RBAK: variants seen among roughly 807,000 people sequenced by gnomAD.
RBAK encodes RB associated KRAB zinc finger, also known as RB-associated KRAB zinc finger protein.
RBAK carries 39 observed loss-of-function variants against 65.8 expected under a neutral mutation model. The observed-to-expected ratio is 0.59, with a 90% CI of 0.46 to 0.77. RBAK has a LOEUF of 0.77. Among genes scored for constraint, RBAK ranks in the 30% least tolerant of loss-of-function variants. RBAK has a pLI of 0.00. For missense variants in RBAK, 884 were observed against 855.1 expected, an observed-to-expected ratio of 1.03 and a Z score of -0.42; for synonymous variants, 343 against 289.7, an observed-to-expected ratio of 1.18 and a Z score of -1.87.
Position 5,065,640 on chromosome 7 carries a change from T to C in RBAK, c.*39T>C. 1 of 1,392,752 alleles carries C rather than the reference T, an allele frequency of 7.2e-7. No individual in the cohort carries two copies. Among genetic ancestry groups the C allele is most frequent in the Non-Finnish European group, 9.6e-7 (1 of 1,036,406 alleles). The allele number at this position is 1,392,752 out of a possible 1,614,324, so 86.3% of individuals were successfully genotyped here. A position where few individuals can be genotyped will look rare whatever the true frequency, so the allele number is the denominator to read the frequency against. ...TTTTTAGAAAACTCTCTGAATATAATGAATATGGGGAATCCAATAGGAAGT... is the reference window on the plus strand; with the variant it reads ...TTTTTAGAAAACTCTCTGAATATAACGAATATGGGGAATCCAATAGGAAGT... On this transcript the variant is annotated 3_prime_UTR_variant, in exon 5 of 5. Transcript: ENST00000396912. This position sits in a 1 kb window ranked among gnomAD's most constrained non-coding sequence, Gnocchi z 5.3.
In RBAK at chr7:5,068,770, T is replaced by C. The variant is rs1482020937; in HGVS notation, c.*3169T>C. ...AGCCTAAAACTGCACAAAACAGAAC[T>C]ATCTTAAGGCACATGTGCAATGGAA... is the stretch of plus-strand genomic sequence containing the variant. On this transcript the variant is annotated 3_prime_UTR_variant, in exon 5 of 5. Transcript: ENST00000396912. The C allele has an allele frequency of 6.6e-6, 1 of 152,204 alleles. No homozygotes were observed. Among genetic ancestry groups the C allele is most frequent in the Non-Finnish European group, 1.5e-5 (1 of 68,048 alleles). 9.4% of individuals were successfully genotyped at this position (152,204 alleles called of 1,614,324 possible). A position where few individuals can be genotyped will look rare whatever the true frequency, so the allele number is the denominator to read the frequency against.
Position 5,068,202 on chromosome 7 carries a change from G to C in RBAK, c.*2601G>C, listed in dbSNP as rs1337046997. The C allele has an allele frequency of 6.6e-6, 1 of 152,102 alleles. No individual in the cohort carries two copies. Among genetic ancestry groups the C allele is most frequent in the African/African-American group, 2.4e-5 (1 of 41,420 alleles). 9.4% of individuals were successfully genotyped at this position (152,102 alleles called of 1,614,324 possible). ...CCAGATGGTGAAAATTTTCAGCTTT[G>C]TCACAACTGCTCATCTTTGCTATTG... On this transcript the variant is annotated 3_prime_UTR_variant, in exon 5 of 5. Transcript: ENST00000396912.
intron 4 of RBAK, among the ~76,000 whole-genome samples, chr7:5,060,590 C>T (rs551325581): frequency 6.6e-6 from 1 of 152,190 alleles, no homozygotes; most frequent in East Asian, 1.9e-4. Context: ...TTCAAGTTTC[C>T]CCCAAAGTAT....
intron 4 of RBAK, 52 bp from the exon 5 acceptor site, chr7:5,063,643 A>G: frequency 2.1e-6 from 3 of 1,399,988 alleles, no homozygotes; most frequent in Non-Finnish European, 2.9e-6. Context: ...GTACCTTTCC[A>G]TAGCTAGTGT....
At position 5,046,222 on chromosome 7, in the gene RBAK, C is replaced by T. The variant is rs756431386; in HGVS notation, c.-219C>T. 1.4e-5 allele frequency: 7 copies of T among 502,524 alleles called. No homozygotes were observed. The highest frequency in any genetic ancestry group is 4.1e-5 in the Admixed American group (2 of 49,002). 31.1% of individuals were successfully genotyped at this position (502,524 alleles called of 1,614,324 possible). A position where few individuals can be genotyped will look rare whatever the true frequency, so the allele number is the denominator to read the frequency against. On this transcript the variant is annotated 5_prime_UTR_variant, in exon 1 of 5. Transcript: ENST00000396912. ...GCCCGAGGGAGGCGGATCTGGGTCC[C>T]GGGAAGGACACCCGCCTGGATTTGC...
chr7:5,047,391 CCT>C (rs1788012724), intron 1 of RBAK, among the ~76,000 whole-genome samples: 1 of 151,952 alleles, frequency 6.6e-6, no homozygotes, highest in Non-Finnish European at 1.5e-5. Context: ...AGATTGAGAC[CCT>C]GTCTCAACAA....
At chr7:5,047,673 G>C (rs1352384149) in intron 1 of RBAK, among the ~76,000 whole-genome samples, 1 of 137,168 alleles carries the variant, frequency 7.3e-6, no homozygotes, top group Non-Finnish European at 1.5e-5. Flanking sequence ...GTGTGGTCTC[G>C]GCTCACTGCA....
chr7:5,069,016 A>C lies in RBAK; in HGVS notation c.*3415A>C, dbSNP rs967536044. Reference sequence around the variant, plus strand: ...ATTAGGGTAGCAGTTAGCCTTGGCCAAGGCTGAAAGGGGGCATTTATCTGG... The same window carrying C: ...ATTAGGGTAGCAGTTAGCCTTGGCCCAGGCTGAAAGGGGGCATTTATCTGG... On this transcript the variant is annotated 3_prime_UTR_variant, in exon 5 of 5. Coordinates refer to ENST00000396912, the MANE Select transcript of RBAK (RefSeq NM_021163.4). The C allele has an allele frequency of 6.6e-6, 1 of 152,228 alleles. No homozygotes were observed. The highest frequency in any genetic ancestry group is 1.5e-5 in the Non-Finnish European group (1 of 68,052). 9.4% of individuals were successfully genotyped at this position (152,228 alleles called of 1,614,324 possible).
At chr7:5,059,173 T>C (rs964290901) in intron 4 of RBAK, among the ~76,000 whole-genome samples, 23 of 152,356 alleles carry the variant, frequency 1.5e-4, no homozygotes, top group African/African-American at 5.5e-4. Flanking sequence ...TCGACATTCG[T>C]GTTCAGTATT....
intron 3 of RBAK, 118 bp from the exon 4 acceptor site, chr7:5,057,566 G>A (rs1473078729): frequency 6.3e-7 from 1 of 1,585,618 alleles, no homozygotes; most frequent in African/African-American, 1.4e-5. Context: ...TTCTAACTTT[G>A]ATAAGGTAAA....
intron 1 of RBAK, 132 bp downstream of exon 1, chr7:5,046,528 G>A: frequency 2.8e-6 from 1 of 357,676 alleles, no homozygotes; most frequent in South Asian, 2.1e-5. Flanking sequence ...GGGTTTGAGG[G>A]CAGGGTCCGG....
At chr7:5,058,730 T>G (rs150931336) in intron 4 of RBAK, among the ~76,000 whole-genome samples, 1 of 152,236 alleles carries the variant, frequency 6.6e-6, no homozygotes, top group African/African-American at 2.4e-5. Flanking sequence ...CTGTCCATAG[T>G]AGACATTCAG....
chr7:5,056,511 C>T (rs1788236120), intron 2 of RBAK, among the ~76,000 whole-genome samples: 1 of 152,130 alleles, frequency 6.6e-6, no homozygotes, highest in Admixed American at 6.6e-5. Context: ...ATAGAATGCA[C>T]AATTCATCTT....
Position 5,065,797 on chromosome 7 carries a change from A to C in RBAK, c.*196A>C. The C allele has an allele frequency of 2.5e-6, 1 of 408,026 alleles. No homozygotes were observed. The allele number at this position is 408,026 out of a possible 1,614,324, so 25.3% of individuals were successfully genotyped here. ...AAGAAGCAAAGCCTTCAGCAAGATC[A>C]TACGACTCATCGGACACTAATTTAT... On this transcript the variant is annotated 3_prime_UTR_variant, in exon 5 of 5. Transcript: ENST00000396912. This position sits in a 1 kb window ranked among gnomAD's most constrained non-coding sequence, Gnocchi z 5.3.
intron 1 of RBAK, among the ~76,000 whole-genome samples, 176 bp from the exon 2 acceptor site, chr7:5,047,857 C>T (rs1788029117): frequency 6.6e-6 from 1 of 152,044 alleles, no homozygotes; most frequent in Admixed American, 6.5e-5. Flanking sequence ...CGAGACCAGC[C>T]TGGCCAACAT....
At chr7:5,046,473 G>A (rs1787987164) in intron 1 of RBAK, 77 bp downstream of exon 1, 2 of 442,348 alleles carry the variant, frequency 4.5e-6, no homozygotes, top group Non-Finnish European at 8.8e-6. Context: ...TTAGAGTGTG[G>A]GGCAGGGGGA....
chr7:5,054,818 G>C (rs1788189692), intron 2 of RBAK, among the ~76,000 whole-genome samples: 1 of 152,094 alleles, frequency 6.6e-6, no homozygotes, highest in Admixed American at 6.5e-5. Flanking sequence ...TGTAGTGTCA[G>C]CTTATCTAGT....
Position 5,057,435 on chromosome 7 carries a change from G to T in RBAK, c.142+14G>T. Reference sequence around the variant, plus strand: ...TAGTTTCTGTGGGTGAGAATAGCTTGCTTTCTGAATGCTCTCAGTTGAATG... The same window carrying T: ...TAGTTTCTGTGGGTGAGAATAGCTTTCTTTCTGAATGCTCTCAGTTGAATG... On this transcript the variant is annotated intron_variant, in intron 3 of 4. Coordinates refer to ENST00000396912, the MANE Select transcript of RBAK (RefSeq NM_021163.4). The T allele has an allele frequency of 6.2e-7, 1 of 1,614,106 alleles. No homozygotes were observed. The highest frequency in any genetic ancestry group is 1.1e-5 in the South Asian group (1 of 91,068).
chr7:5,060,414 C>T (rs1057054707), intron 4 of RBAK, among the ~76,000 whole-genome samples: 3 of 152,134 alleles, frequency 2.0e-5, no homozygotes, highest in African/African-American at 4.8e-5. Flanking sequence ...TTTCCAAGGG[C>T]ATAGGTTTTG....
Sources: allele counts gnomAD v4.1 joint callset (sites outside exome capture counted in the v4.1 genomes callset), GRCh38; gene constraint gnomAD v4.1.1; non-coding constraint Gnocchi (gnomAD v3.1); transcripts MANE v1.5; gene names NCBI Gene and HGNC (gene_info 2026-07-23, HGNC 2026-07-21).